KCNC2: variants seen among roughly 807,000 people sequenced by gnomAD.
KCNC2 encodes the protein potassium voltage-gated channel subfamily C member 2, also known as voltage-gated potassium channel KCNC2.
Under a neutral mutation model 44.5 loss-of-function variants are expected in KCNC2, and 21 were observed. That is an observed-to-expected ratio of 0.47 (90% CI 0.33 to 0.68). The LOEUF is 0.68. Ranked by LOEUF, KCNC2 falls within the 30% of genes least tolerant of loss-of-function variation. KCNC2 has a pLI of 0.01. For missense variants in KCNC2, 589 were observed against 826.2 expected, an observed-to-expected ratio of 0.71 and a Z score of 3.52; for synonymous variants, 391 against 339.1, an observed-to-expected ratio of 1.15 and a Z score of -1.68.
intron 2 of KCNC2, among the ~76,000 whole-genome samples, chr12:75,148,451 A>G: frequency 6.6e-6 from 1 of 151,998 alleles, no homozygotes; most frequent in East Asian, 1.9e-4. Context: ...TAGCTGTATA[A>G]ATGATAAACT....
At chr12:75,056,418 A>G (rs189179879) in intron 2 of KCNC2, among the ~76,000 whole-genome samples, 2 of 152,026 alleles carry the variant, frequency 1.3e-5, no homozygotes, top group South Asian at 2.1e-4. Flanking sequence ...AAAATAAGCT[A>G]CCTAAAATAT....
At chr12:75,056,676 A>G (rs981834589) in intron 2 of KCNC2, among the ~76,000 whole-genome samples, 5 of 152,040 alleles carry the variant, frequency 3.3e-5, no homozygotes, top group Admixed American at 6.6e-5. Flanking sequence ...AAAAATTTAC[A>G]TTAAAGTACA....
chr12:75,108,939 C>G (rs754872492), intron 2 of KCNC2, among the ~76,000 whole-genome samples: 2 of 152,150 alleles, frequency 1.3e-5, no homozygotes, highest in African/African-American at 2.4e-5. Flanking sequence ...TTCATAATTT[C>G]TCTGCAATAA....
At chr12:75,191,101 A>C (rs2030164656) in intron 2 of KCNC2, among the ~76,000 whole-genome samples, 1 of 152,146 alleles carries the variant, frequency 6.6e-6, no homozygotes, top group Non-Finnish European at 1.5e-5. Context: ...TCACAATAAC[A>C]ACCAGGCATA....
At chr12:75,150,935 C>T (rs767587773) in intron 2 of KCNC2, among the ~76,000 whole-genome samples, 1 of 151,830 alleles carries the variant, frequency 6.6e-6, no homozygotes, top group Admixed American at 6.6e-5. Context: ...TTCTATGCAC[C>T]CATGTTCTTG....
chr12:75,161,176 T>C (rs1023506028), intron 2 of KCNC2, among the ~76,000 whole-genome samples: 1 of 151,762 alleles, frequency 6.6e-6, no homozygotes, highest in Non-Finnish European at 1.5e-5. Context: ...GAGTGTTTTT[T>C]CTTTCAAAAG....
At chr12:75,166,062 A>G (rs906548651) in intron 2 of KCNC2, among the ~76,000 whole-genome samples, 1 of 151,408 alleles carries the variant, frequency 6.6e-6, no homozygotes. Context: ...AATGGAAAAA[A>G]TATATACCAC....
chr12:75,080,245 G>T (rs1884363978), intron 2 of KCNC2, among the ~76,000 whole-genome samples: 1 of 151,260 alleles, frequency 6.6e-6, no homozygotes, highest in Non-Finnish European at 1.5e-5. Context: ...AACTTGCTAA[G>T]AGAAATAGGT....
intron 2 of KCNC2, among the ~76,000 whole-genome samples, chr12:75,061,331 C>T (rs186500811): frequency 1.3e-5 from 2 of 152,118 alleles, no homozygotes; most frequent in African/African-American, 4.8e-5. Context: ...AATAGATTGT[C>T]ATCTTGTGTG....
chr12:75,189,430 T>G (rs1489122381), intron 2 of KCNC2, among the ~76,000 whole-genome samples: 1 of 152,182 alleles, frequency 6.6e-6, no homozygotes, highest in Non-Finnish European at 1.5e-5. Flanking sequence ...CCCTTGGAGA[T>G]GCATTTGTAA....
chr12:75,102,959 A>G (rs1285372303), intron 2 of KCNC2, among the ~76,000 whole-genome samples: 2 of 152,066 alleles, frequency 1.3e-5, no homozygotes, highest in Non-Finnish European at 2.9e-5. Context: ...ACTGTAACTA[A>G]TACTTTCCTC....
intron 2 of KCNC2, among the ~76,000 whole-genome samples, chr12:75,132,507 C>G (rs1490869387): frequency 6.6e-6 from 1 of 152,002 alleles, no homozygotes; most frequent in Non-Finnish European, 1.5e-5. Flanking sequence ...TACTATAAAA[C>G]TATTGGAACA....
chr12:75,188,645 A>T (rs1273910515), intron 2 of KCNC2, among the ~76,000 whole-genome samples: 2 of 151,664 alleles, frequency 1.3e-5, no homozygotes, highest in African/African-American at 2.4e-5. Context: ...GTGGATCACG[A>T]GGTCAGGAGA....
chr12:75,175,370 A>G (rs186866682), intron 2 of KCNC2, among the ~76,000 whole-genome samples: 1 of 152,158 alleles, frequency 6.6e-6, no homozygotes, highest in Admixed American at 6.6e-5. Flanking sequence ...ATGGCAAATA[A>G]GTTCCTATGG....
chr12:75,196,747 A>C (rs537664490), intron 2 of KCNC2, among the ~76,000 whole-genome samples: 7 of 152,130 alleles, frequency 4.6e-5, no homozygotes, highest in Admixed American at 2.0e-4. Flanking sequence ...ATCAACTATC[A>C]GAAGTCAGCC....
chr12:75,090,032 G>C (rs371317721), intron 2 of KCNC2, among the ~76,000 whole-genome samples: 119 of 151,800 alleles, frequency 7.8e-4, no homozygotes, highest in African/African-American at 2.6e-3. Flanking sequence ...CAATAAGCTG[G>C]ATTAGGAAAT....
Position 75,041,295 on chromosome 12 carries a change from T to C in KCNC2, c.*1810A>G. On this transcript the variant is annotated 3_prime_UTR_variant, in exon 5 of 5. Transcript: ENST00000549446. ...TTATAATGTTCTATGTGTGGTGTTA[T>C]CAAAAGAATCACTGTGTCTCTAAAT... The C allele has an allele frequency of 2.0e-6, 3 of 1,528,864 alleles. No homozygotes were observed. Among genetic ancestry groups the C allele is most frequent in the Admixed American group, 2.0e-5 (1 of 51,142 alleles). 94.7% of individuals were successfully genotyped at this position (1,528,864 alleles called of 1,614,324 possible).
Position 75,132,963 on chromosome 12 carries a change from C to T in KCNC2, c.687+74334G>A, listed in dbSNP as rs531346052. 3.9e-5 allele frequency among the ~76,000 whole-genome samples: 6 copies of T among 152,074 alleles called. 1 individual carries two copies. The South Asian group carries it at 1.2e-3, about 32-fold the overall frequency. On this transcript the variant is annotated intron_variant, in intron 2 of 4. Coordinates refer to ENST00000549446, the MANE Select transcript of KCNC2 (RefSeq NM_139137.4). ...CTACCTCTCATCTTTACATTTACAT[C>T]CTCTGGTTGATGAATTAGCGTGCAA...
intron 2 of KCNC2, among the ~76,000 whole-genome samples, chr12:75,181,468 T>G (rs1349712635): frequency 6.6e-6 from 1 of 152,206 alleles, no homozygotes; most frequent in African/African-American, 2.4e-5. Flanking sequence ...CTTTGATTTC[T>G]TCCTCCTACT....
Sources: allele counts gnomAD v4.1 joint callset (sites outside exome capture counted in the v4.1 genomes callset), GRCh38; gene constraint gnomAD v4.1.1; transcripts MANE v1.5; gene names NCBI Gene and HGNC (gene_info 2026-07-23, HGNC 2026-07-21).